The following DOCK8 variants were observed in gnomAD, a reference collection of about 807,000 sequenced individuals.
The protein encoded by DOCK8 is dedicator of cytokinesis protein 8.
A neutral mutation model predicts 245.6 loss-of-function variants in DOCK8; 141 were observed. The observed-to-expected ratio is 0.57, with a 90% CI of 0.50 to 0.66. The LOEUF (loss-of-function observed/expected upper bound fraction) is 0.66, where lower values mean the gene tolerates loss of function less well. Among genes scored for constraint, DOCK8 ranks in the 30% least tolerant of loss-of-function variants. DOCK8 has a pLI of 0.00. For synonymous variants in DOCK8, 1,168 were observed against 970.2 expected, an observed-to-expected ratio of 1.20 and a Z score of -3.79; for missense variants, 2,965 against 2,603.4, an observed-to-expected ratio of 1.14 and a Z score of -3.02.
Position 250,503 on chromosome 9 carries a change from C to T in DOCK8, c.54-21124C>T, listed in dbSNP as rs12237377. Among the ~76,000 whole-genome samples, 3,703 of 152,240 alleles carry T rather than the reference C, an allele frequency of 0.024. 300 individuals are homozygous for T. In the East Asian group the frequency reaches 0.3, roughly 12 times the overall value. ...AAAACAAGACCCTCTGATACCACAC[C>T]ATACTGGGTTTTTCCTTATTGGGAT... On this transcript the variant is annotated intron_variant, in intron 1 of 47. Transcript: ENST00000432829.
In DOCK8 at chr9:368,054, T is replaced by C. The variant is rs1476198473; in HGVS notation, c.1716T>C (p.Phe572=). The part of the protein sequence containing the change: ...LLYVYPQRLN[F]VNKLASARNI... ...ATGTCTACCCACAGAGGCTGAACTT[T>C]GTAAACAAACTAGCATCAGCCCGGA... is the stretch of plus-strand genomic sequence containing the variant. Residue 572 remains phenylalanine, a synonymous_variant, in exon 15 of 48, where the codon TTT becomes TTC. Coordinates refer to ENST00000432829, the MANE Select transcript of DOCK8 (RefSeq NM_203447.4). 1.9e-6 allele frequency: 3 copies of C among 1,614,216 alleles called. No individual in the cohort carries two copies. The highest frequency in any genetic ancestry group is 2.7e-5 in the African/African-American group (2 of 75,064).
At position 399,340 on chromosome 9, in the gene DOCK8, G is replaced by T. The variant is rs571355312; in HGVS notation, c.3234+81G>T. ...AATGTGATGTTCGTTGCCATGGCAC[G>T]CTGTCTTCTTCATTACTGAGTTGGC... On this transcript the variant is annotated intron_variant, in intron 26 of 47. Coordinates refer to ENST00000432829, the MANE Select transcript of DOCK8 (RefSeq NM_203447.4). The T allele has an allele frequency of 4.8e-6, 5 of 1,046,428 alleles. No homozygotes were observed. The African/African-American group carries it at 5.2e-5, about 11-fold the overall frequency. The allele number at this position is 1,046,428 out of a possible 1,614,324, so 64.8% of individuals were successfully genotyped here.
At chr9:341,056 C>G (rs528331804) in intron 14 of DOCK8, among the ~76,000 whole-genome samples, 5 of 152,206 alleles carry the variant, frequency 3.3e-5, no homozygotes, top group African/African-American at 7.2e-5. Context: ...AGCACACATT[C>G]CAATAGCATT....
chr9:360,108 G>C (rs908327596), intron 14 of DOCK8, among the ~76,000 whole-genome samples: 2 of 152,014 alleles, frequency 1.3e-5, no homozygotes, highest in Non-Finnish European at 2.9e-5. Flanking sequence ...TTGAGGTCAG[G>C]AGTTCGACAC....
chr9:322,553 A>G (rs1484883847), intron 7 of DOCK8, among the ~76,000 whole-genome samples: 5 of 152,158 alleles, frequency 3.3e-5, no homozygotes, highest in South Asian at 4.1e-4. Flanking sequence ...TTAAATGCAG[A>G]TAATATCTGC....
chr9:430,440 G>T (rs146249196), intron 36 of DOCK8, among the ~76,000 whole-genome samples: 2 of 152,008 alleles, frequency 1.3e-5, no homozygotes, highest in Admixed American at 1.3e-4. Context: ...CTAGCACTTC[G>T]GGAGGCCAAG....
At chr9:344,326 C>G (rs184018458) in intron 14 of DOCK8, among the ~76,000 whole-genome samples, 26 of 152,278 alleles carry the variant, frequency 1.7e-4, no homozygotes, top group African/African-American at 5.8e-4. Flanking sequence ...GAAAATTTCA[C>G]AGAATTTAGG....
rs753228528 is a variant in DOCK8, at chr9:442,014, G to C, written c.5490+5G>C. On this transcript the variant is annotated splice_donor_5th_base_variant and intron_variant, in intron 42 of 47. Transcript: ENST00000432829. ...GAGATCTCACATAGACTAGAGGTAA[G>C]AAAAGTGATTCTGTGCGCCTGACCT... The C allele has an allele frequency of 5.0e-6, 8 of 1,613,900 alleles. No homozygotes were observed. The highest frequency in any genetic ancestry group is 4.5e-5 in the East Asian group (2 of 44,856).
intron 13 of DOCK8, 60 bp downstream of exon 13, chr9:339,159 A>G: frequency 4.3e-6 from 6 of 1,390,996 alleles, no homozygotes; most frequent in South Asian, 2.3e-5. Context: ...CGTTAGACAC[A>G]GTCTTTGTCT....
Position 420,381 on chromosome 9 carries a change from C to T in DOCK8, c.3841-20C>T, listed in dbSNP as rs1277750256. On this transcript the variant is annotated intron_variant, in intron 30 of 47. Transcript: ENST00000432829. ...TTGACTTCTTCCCTGGCCTCCATCC[C>T]CCAATCTGCCTCCCTTCAGCCCTAT... is the stretch of plus-strand genomic sequence containing the variant. The T allele has an allele frequency of 6.2e-7, 1 of 1,613,994 alleles. No homozygotes were observed. The highest frequency in any genetic ancestry group is 1.7e-5 in the Admixed American group (1 of 60,016).
chr9:340,458 A>G, intron 14 of DOCK8, 137 bp downstream of exon 14: 2 of 1,116,664 alleles, frequency 1.8e-6, no homozygotes, highest in South Asian at 1.3e-5. Context: ...GTGTCTCTAC[A>G]ACATATACAA....
rs2057266538 is a variant in DOCK8, at chr9:446,544, C to T, written c.5755C>T (p.Leu1919=). The change falls in exon 44 of 48, where the codon CTG becomes TTG. Residue 1919 remains leucine, a synonymous_variant. Transcript: ENST00000432829. Reference sequence around the variant, plus strand: ...TGAGCAGTACAGAAGGAACACAGTCCTGACCACTATGCACGCCTTCCCCTA... The same window carrying T: ...TGAGCAGTACAGAAGGAACACAGTCTTGACCACTATGCACGCCTTCCCCTA... ...LHEQYRRNTV[L]TTMHAFPYIK... The T allele has an allele frequency of 1.2e-6, 2 of 1,614,108 alleles. No homozygotes were observed. The highest frequency in any genetic ancestry group is 1.7e-6 in the Non-Finnish European group (2 of 1,180,048).
At position 272,624 on chromosome 9, in the gene DOCK8, C is replaced by G; in HGVS notation, c.156+895C>G. On this transcript the variant is annotated intron_variant, in intron 2 of 47. Coordinates refer to ENST00000432829, the MANE Select transcript of DOCK8 (RefSeq NM_203447.4). ...CTGGTCTTGAACTCCTGGGCTCAAG[C>G]GATCCTCCTGCCTCAGCCTCCCAAA... Among the ~76,000 whole-genome samples, 6 of 152,216 alleles carry G rather than the reference C, an allele frequency of 3.9e-5. No individual in the cohort carries two copies. The Middle Eastern group carries it at 0.02, about 518-fold the overall frequency.
intron 14 of DOCK8, among the ~76,000 whole-genome samples, chr9:363,230 A>G (rs1348070229): frequency 6.6e-6 from 1 of 152,228 alleles, no homozygotes; most frequent in Non-Finnish European, 1.5e-5. Context: ...ATAAGATTAT[A>G]CTAAATGCCT....
In DOCK8 at chr9:357,219, G is replaced by A. The variant is rs575727075; in HGVS notation, c.1680-10799G>A. ...TTTACTTATCTCATAGAAAAGAATG[G>A]GATGGAGATTAATGTAATAGAAAAG... On this transcript the variant is annotated intron_variant, in intron 14 of 47. Coordinates refer to ENST00000432829, the MANE Select transcript of DOCK8 (RefSeq NM_203447.4). 1.1e-4 allele frequency among the ~76,000 whole-genome samples: 17 copies of A among 152,282 alleles called. No homozygotes were observed. The South Asian group carries it at 3.3e-3, about 30-fold the overall frequency.
intron 7 of DOCK8, 74 bp downstream of exon 7, chr9:317,202 A>C (rs1391286888): frequency 1.6e-6 from 2 of 1,218,212 alleles, no homozygotes; most frequent in Non-Finnish European, 2.4e-6. Context: ...TGTGTTTATT[A>C]TCAGAGCTTG....
In DOCK8 at chr9:290,284, A is replaced by AT. The variant is rs1195319248; in HGVS notation, c.404+710dup. 4.6e-5 allele frequency among the ~76,000 whole-genome samples: 7 copies of AT among 150,844 alleles called. No homozygotes were observed. The East Asian group carries it at 7.7e-4, about 17-fold the overall frequency. ...ACATTATGAGGTTTTTTTTTTTGCGATTTTTTTAAAGCTCATTAGCTATTG... is the reference window on the plus strand; with the variant it reads ...ACATTATGAGGTTTTTTTTTTTGCGATTTTTTTTAAAGCTCATTAGCTATTG... On this transcript the variant is annotated intron_variant, in intron 4 of 47. Transcript: ENST00000432829.
chr9:383,251 T>C (rs908848054), intron 22 of DOCK8, among the ~76,000 whole-genome samples: 6 of 151,126 alleles, frequency 4.0e-5, no homozygotes, highest in African/African-American at 9.7e-5. Flanking sequence ...AATAAAAACA[T>C]TGGCCAAGCA....
chr9:422,243 G>C (rs562973098), intron 33 of DOCK8, 108 bp downstream of exon 33: 2 of 907,156 alleles, frequency 2.2e-6, no homozygotes, highest in Non-Finnish European at 3.6e-6. Context: ...GTTAGAAAAT[G>C]AAACATCATT....
Sources: gnomAD v4.1 joint callset for allele counts (sites outside exome capture counted in the v4.1 genomes callset) on GRCh38, gnomAD v4.1.1 for gene constraint, MANE v1.5 for transcripts, NCBI Gene and HGNC (gene_info 2026-07-23, HGNC 2026-07-21) for gene names.